The following CHSY3 variants were observed in gnomAD, a reference collection of about 807,000 sequenced individuals.
CHSY3 encodes the protein chondroitin sulfate synthase 3, also known as N-acetylgalactosaminyl-proteoglycan 3-beta-glucuronosyltransferase 3.
In CHSY3, 35 loss-of-function variants were observed where a neutral mutation model predicts 67.2. The observed-to-expected ratio is 0.52, with a 90% CI of 0.40 to 0.69. CHSY3 has a LOEUF of 0.69. Ranked by LOEUF, CHSY3 falls within the 30% of genes least tolerant of loss-of-function variation. The pLI is 0.00. For missense variants in CHSY3, 1,069 were observed against 1,138.5 expected, an observed-to-expected ratio of 0.94 and a Z score of 0.88; for synonymous variants, 474 against 434.7, an observed-to-expected ratio of 1.09 and a Z score of -1.12.
At chr5:130,101,911 G>A (rs1014620521) in intron 2 of CHSY3, among the ~76,000 whole-genome samples, 3 of 151,946 alleles carry the variant, frequency 2.0e-5, no homozygotes, top group African/African-American at 7.2e-5. Flanking sequence ...TGCTCCTTTT[G>A]TATTACATTT....
At chr5:129,915,546 A>G (rs1760705442) in intron 2 of CHSY3, among the ~76,000 whole-genome samples, 1 of 152,216 alleles carries the variant, frequency 6.6e-6, no homozygotes, top group Non-Finnish European at 1.5e-5. Flanking sequence ...TTTGAGATTT[A>G]AAAAGTTTTA....
chr5:129,967,078 C>A (rs994003596), intron 2 of CHSY3, among the ~76,000 whole-genome samples: 5 of 151,688 alleles, frequency 3.3e-5, no homozygotes, highest in Admixed American at 6.6e-5. Flanking sequence ...ACTCAAAATC[C>A]AAAGCCCTTG....
At chr5:130,132,878 A>C (rs1044650052) in intron 2 of CHSY3, among the ~76,000 whole-genome samples, 1 of 152,184 alleles carries the variant, frequency 6.6e-6, no homozygotes, top group Non-Finnish European at 1.5e-5. Flanking sequence ...CAATAGTACC[A>C]ATGTTGAGAA....
At chr5:129,962,569 TAA>T (rs1258510684) in intron 2 of CHSY3, among the ~76,000 whole-genome samples, 1 of 151,976 alleles carries the variant, frequency 6.6e-6, no homozygotes, top group African/African-American at 2.4e-5. Context: ...AAACACAATA[TAA>T]AGACCACACT....
rs552735092 is a variant in CHSY3 at position 130,075,861 on chromosome 5, A to G, written c.1087-108368A>G. Among the ~76,000 whole-genome samples, 24 of 152,256 alleles carry G rather than the reference A, an allele frequency of 1.6e-4. 1 individual carries two copies. The highest frequency in any genetic ancestry group is 1.5e-3 in the South Asian group (7 of 4,826). ...TTGCTATCCCAGTACCTCAAATTCA[A>G]TGATGTACCAGAATTTATCATGTTT... is the stretch of plus-strand genomic sequence containing the variant. On this transcript the variant is annotated intron_variant, in intron 2 of 2. Transcript: ENST00000305031.
At chr5:130,083,084 T>A (rs1766496535) in intron 2 of CHSY3, among the ~76,000 whole-genome samples, 2 of 152,102 alleles carry the variant, frequency 1.3e-5, no homozygotes, top group South Asian at 4.1e-4. Context: ...ATGAGGCGCT[T>A]CAATCATTTC....
At chr5:130,083,529 A>C (rs1255488329) in intron 2 of CHSY3, among the ~76,000 whole-genome samples, 1 of 152,102 alleles carries the variant, frequency 6.6e-6, no homozygotes, top group Non-Finnish European at 1.5e-5. Context: ...TAAATATGAC[A>C]AGAAAAATAT....
chr5:130,055,684 A>G (rs939849610), intron 2 of CHSY3, among the ~76,000 whole-genome samples: 1 of 152,040 alleles, frequency 6.6e-6, no homozygotes, highest in Non-Finnish European at 1.5e-5. Flanking sequence ...TTTGAACAGG[A>G]GAACAACAGC....
At chr5:130,182,707 A>G (rs1383051862) in intron 2 of CHSY3, among the ~76,000 whole-genome samples, 1 of 151,994 alleles carries the variant, frequency 6.6e-6, no homozygotes, top group African/African-American at 2.4e-5. Context: ...CCTTATATGA[A>G]TATCCTACTG....
At chr5:129,972,399 C>T (rs1205710816) in intron 2 of CHSY3, among the ~76,000 whole-genome samples, 1 of 152,046 alleles carries the variant, frequency 6.6e-6, no homozygotes, top group African/African-American at 2.4e-5. Flanking sequence ...TGCAGTTATG[C>T]AAGCCCAGTT....
At chr5:130,101,389 G>T (rs1767238800) in intron 2 of CHSY3, among the ~76,000 whole-genome samples, 1 of 151,904 alleles carries the variant, frequency 6.6e-6, no homozygotes, top group Non-Finnish European at 1.5e-5. Context: ...CAAAGCACAA[G>T]TTTTTTCTAA....
chr5:130,067,332 A>G (rs1221701761), intron 2 of CHSY3, among the ~76,000 whole-genome samples: 1 of 152,158 alleles, frequency 6.6e-6, no homozygotes, highest in Non-Finnish European at 1.5e-5. Flanking sequence ...GTTATGTAAC[A>G]TGGTTTGAAA....
chr5:129,965,946 C>T (rs576868786), intron 2 of CHSY3, among the ~76,000 whole-genome samples: 1 of 151,862 alleles, frequency 6.6e-6, no homozygotes, highest in Admixed American at 6.6e-5. Flanking sequence ...TAACTCGTCT[C>T]ATACTCCACA....
chr5:129,904,167 G>A (rs1343376984), upstream of CHSY3, among the ~76,000 whole-genome samples: 2 of 151,862 alleles, frequency 1.3e-5, no homozygotes, highest in Non-Finnish European at 2.9e-5. Flanking sequence ...GAAATGGGAC[G>A]AAGAGCAAGA....
At chr5:130,025,910 T>C (rs1451963340) in intron 2 of CHSY3, among the ~76,000 whole-genome samples, 1 of 152,136 alleles carries the variant, frequency 6.6e-6, no homozygotes, top group East Asian at 1.9e-4. Flanking sequence ...TTGTGCGTAA[T>C]TCGTTTTGAC....
chr5:130,030,935 G>T (rs1764686343), intron 2 of CHSY3, among the ~76,000 whole-genome samples: 1 of 151,976 alleles, frequency 6.6e-6, no homozygotes, highest in African/African-American at 2.4e-5. Context: ...TTGCCTCATT[G>T]TATGTCCCTA....
chr5:130,076,903 C>G (rs1378772908), intron 2 of CHSY3, among the ~76,000 whole-genome samples: 1 of 145,218 alleles, frequency 6.9e-6, no homozygotes, highest in Non-Finnish European at 1.5e-5. Context: ...ACAATGAGAA[C>G]ACATGGACAC....
chr5:129,990,231 A>C (rs1053571594), intron 2 of CHSY3, among the ~76,000 whole-genome samples: 1 of 152,160 alleles, frequency 6.6e-6, no homozygotes, highest in African/African-American at 2.4e-5. Flanking sequence ...GCAAATCCTT[A>C]AATTAATCAA....
chr5:130,060,008 G>A (rs1018016399), intron 2 of CHSY3, among the ~76,000 whole-genome samples: 6 of 151,628 alleles, frequency 4.0e-5, no homozygotes, highest in African/African-American at 7.3e-5. Flanking sequence ...AACTGGTACC[G>A]GTCTTACTGA....
Sources: gnomAD v4.1 joint callset for allele counts (sites outside exome capture counted in the v4.1 genomes callset) on GRCh38, gnomAD v4.1.1 for gene constraint, MANE v1.5 for transcripts, NCBI Gene and HGNC (gene_info 2026-07-23, HGNC 2026-07-21) for gene names.